COL11A1: variants seen among roughly 807,000 people sequenced by gnomAD.
COL11A1 encodes the protein collagen type XI alpha 1 chain, also known as collagen alpha-1(XI) chain.
COL11A1 carries 74 observed loss-of-function variants against 265.2 expected under a neutral mutation model. The ratio of observed to expected loss-of-function variants is 0.28; its 90% CI spans 0.23 to 0.34. The LOEUF (loss-of-function observed/expected upper bound fraction) is 0.34, where lower values mean the gene tolerates loss of function less well. COL11A1 is among the 10% of genes least tolerant of loss of function. COL11A1 has a pLI of 1.00. For missense variants in COL11A1, 2,165 were observed against 2,263.6 expected, an observed-to-expected ratio of 0.96 and a Z score of 0.88; for synonymous variants, 816 against 727.6, an observed-to-expected ratio of 1.12 and a Z score of -1.96.
At chr1:102,976,283 C>A (rs1192646434) in intron 35 of COL11A1, among the ~76,000 whole-genome samples, 2 of 97,268 alleles carry the variant, frequency 2.1e-5, no homozygotes, top group African/African-American at 3.1e-5. Flanking sequence ...TCACAGAAAA[C>A]GTTGGCTTTT....
chr1:102,977,176 C>T (rs1662575651), intron 35 of COL11A1, among the ~76,000 whole-genome samples: 1 of 152,038 alleles, frequency 6.6e-6, no homozygotes, highest in South Asian at 2.1e-4. Context: ...TATGGCATTA[C>T]TTTTGCCATT....
intron 1 of COL11A1, among the ~76,000 whole-genome samples, chr1:103,102,591 T>C (rs1182323224): frequency 6.6e-6 from 1 of 151,998 alleles, no homozygotes; most frequent in East Asian, 1.9e-4. Context: ...TTCCTAATGA[T>C]CACGCCATCC....
rs983465591 is a variant in COL11A1, at chr1:102,897,435, G to GA, written c.4302+689dup. Reference sequence around the variant, plus strand: ...TGACACTCAAAAATCTCTACCATAAGAAAAAAAAATATATATATATATAAA... The same window carrying GA: ...TGACACTCAAAAATCTCTACCATAAGAAAAAAAAAATATATATATATATAAA... On this transcript the variant is annotated intron_variant, in intron 57 of 66. Transcript: ENST00000370096. Among the ~76,000 whole-genome samples the GA allele has an allele frequency of 9.9e-3, 1,359 of 137,916 alleles. 17 individuals are homozygous for GA. Among genetic ancestry groups the GA allele is most frequent in the African/African-American group, 0.036 (1,290 of 36,128 alleles). The allele number at this position is 137,916 out of a possible 152,430, so 90.5% of individuals were successfully genotyped here. A position where few individuals can be genotyped will look rare whatever the true frequency, so the allele number is the denominator to read the frequency against.
rs1360340077 is a variant in COL11A1, at chr1:102,999,171, T to C, written c.2143-808A>G. Among the ~76,000 whole-genome samples the C allele has an allele frequency of 1.3e-4, 20 of 152,016 alleles. 1 individual carries two copies. Among genetic ancestry groups the C allele is most frequent in the Non-Finnish European group, 2.9e-5 (2 of 67,904 alleles). Reference sequence around the variant, plus strand: ...AAGGTCAAGGACATATCAGCAAGCCTAAATGCTGGACATATTTTTGGGCTT... The same window carrying C: ...AAGGTCAAGGACATATCAGCAAGCCCAAATGCTGGACATATTTTTGGGCTT... On this transcript the variant is annotated intron_variant, in intron 24 of 66. Transcript: ENST00000370096.
intron 63 of COL11A1, 87 bp downstream of exon 63, chr1:102,886,720 A>C (rs2100838934): frequency 6.5e-7 from 1 of 1,533,894 alleles, no homozygotes; most frequent in East Asian, 2.2e-5. Context: ...ACTGTATTAA[A>C]CATTTAACTA....
intron 41 of COL11A1, among the ~76,000 whole-genome samples, chr1:102,953,618 A>T (rs1660099872): frequency 6.6e-6 from 1 of 152,228 alleles, no homozygotes; most frequent in Non-Finnish European, 1.5e-5. Flanking sequence ...ACTGTAAGTG[A>T]ACAGTTATAT....
In COL11A1 at chr1:103,010,795, G is replaced by T. The variant is rs1666053028; in HGVS notation, c.1629+1618C>A. 3.3e-5 allele frequency among the ~76,000 whole-genome samples: 5 copies of T among 151,968 alleles called. No homozygotes were observed. In the South Asian group the frequency reaches 1.0e-3, roughly 32 times the overall value. ...AGCTCACAGCAACCTCCACATCCCG[G>T]GTTCAAGCCATTCTCCTGCCTCAGC... is the stretch of plus-strand genomic sequence containing the variant. On this transcript the variant is annotated intron_variant, in intron 14 of 66. Transcript: ENST00000370096.
intron 44 of COL11A1, among the ~76,000 whole-genome samples, chr1:102,935,856 T>C (rs1364114766): frequency 6.6e-6 from 1 of 152,198 alleles, no homozygotes; most frequent in Non-Finnish European, 1.5e-5. Context: ...TTGGGAGTTC[T>C]TGATATGCTT....
chr1:102,938,298 G>GA lies in COL11A1; in HGVS notation c.3438+736dup, dbSNP rs796698848. 7.9e-3 allele frequency among the ~76,000 whole-genome samples: 1,155 copies of GA among 145,386 alleles called. 19 individuals carry two copies. Among genetic ancestry groups the GA allele is most frequent in the African/African-American group, 0.027 (1,073 of 39,622 alleles). The stretch of plus-strand genomic sequence containing the variant: ...TAATGTATAAACTTCCATACTAGGT[G>GA]AAAAAAAAAACTTGAAGGACATATC... On this transcript the variant is annotated intron_variant, in intron 44 of 66. Coordinates refer to ENST00000370096, the MANE Select transcript of COL11A1 (RefSeq NM_001854.4).
rs1365998148 is a variant in COL11A1 at position 102,888,627 on chromosome 1, G to T, written c.4558C>A (p.Pro1520Thr). 1.9e-6 allele frequency: 3 copies of T among 1,613,756 alleles called. No individual in the cohort carries two copies. The highest frequency in any genetic ancestry group is 2.5e-6 in the Non-Finnish European group (3 of 1,179,764). ...GPKGNKGSTGPAGQKGDSGLP... is the reference protein window; with the variant it reads ...GPKGNKGSTGTAGQKGDSGLP... ...CCACTGTCACCTTTCTGGCCAGCGG[G>T]TCCCTGTTAGAAAGAAGAGAGAGGA... Residue 1520 changes from proline to threonine, a missense_variant, in exon 62 of 67, where the codon CCC becomes ACC. Physicochemically the swap from Pro to Thr is conservative, Grantham distance 38 (BLOSUM62 -1). Coordinates refer to ENST00000370096, the MANE Select transcript of COL11A1 (RefSeq NM_001854.4).
chr1:102,995,875 T>G lies in COL11A1; in HGVS notation c.2329A>C (p.Lys777Gln), dbSNP rs1325783062. The G allele has an allele frequency of 6.2e-7, 1 of 1,610,256 alleles. No homozygotes were observed. The highest frequency in any genetic ancestry group is 1.7e-5 in the Admixed American group (1 of 59,932). ...CAATTAAATTTTACCTTTTCACCTT[T>G]AGATCCCTTGAGACCTCTGACACCA... is the stretch of plus-strand genomic sequence containing the variant. ...ADGVRGLKGS[K>Q]GEKGEDGFPG... Residue 777 changes from lysine (K) to glutamine (Q), a missense_variant, in exon 28 of 67, where the codon AAA (lysine) becomes CAA (glutamine). Transcript: ENST00000370096.
intron 36 of COL11A1, among the ~76,000 whole-genome samples, chr1:102,970,745 G>GT (rs1461883555): frequency 6.6e-6 from 1 of 152,102 alleles, no homozygotes; most frequent in Non-Finnish European, 1.5e-5. Context: ...GCCGGGCAGG[G>GT]TGGCTGACAC....
chr1:102,944,462 C>T (rs1218422296), intron 42 of COL11A1, among the ~76,000 whole-genome samples: 1 of 152,110 alleles, frequency 6.6e-6, no homozygotes, highest in African/African-American at 2.4e-5. Context: ...AATGAGCATG[C>T]TGGAGTTGTT....
At chr1:102,978,943 A>T in intron 33 of COL11A1, 30 bp from the exon 34 acceptor site, 10 of 1,613,884 alleles carry the variant, frequency 6.2e-6, no homozygotes, top group Non-Finnish European at 8.5e-6. Flanking sequence ...ATGAACCCAA[A>T]CTAATGCCAG....
intron 63 of COL11A1, among the ~76,000 whole-genome samples, chr1:102,885,093 A>G (rs999856723): frequency 2.0e-5 from 3 of 151,874 alleles, no homozygotes; most frequent in Middle Eastern, 3.4e-3. Context: ...ATTAGCTCAT[A>G]CCCTTTTTTT....
In COL11A1 at chr1:102,978,569, A is replaced by C. The variant is rs2616018; in HGVS notation, c.2754+139T>G. The C allele has an allele frequency of 0.033, 30,052 of 912,106 alleles. 1,154 individuals are homozygous for C. Among genetic ancestry groups the C allele is most frequent in the African/African-American group, 0.16 (9,796 of 59,720 alleles). 56.5% of individuals were successfully genotyped at this position (912,106 alleles called of 1,614,324 possible). On this transcript the variant is annotated intron_variant, in intron 35 of 66. Coordinates refer to ENST00000370096, the MANE Select transcript of COL11A1 (RefSeq NM_001854.4). The stretch of plus-strand genomic sequence containing the variant: ...TTGGTGAAGAGGAATAAATTAAAAA[A>C]TAAGCGTTTTTAAATTCAGACTAGA...
At chr1:103,016,633 T>TA (rs1557949437) in intron 11 of COL11A1, among the ~76,000 whole-genome samples, 3 of 151,758 alleles carry the variant, frequency 2.0e-5, no homozygotes, top group African/African-American at 7.3e-5. Context: ...AACCAATATA[T>TA]AAAAAAATGC....
intron 54 of COL11A1, among the ~76,000 whole-genome samples, chr1:102,899,937 G>T (rs142950226): frequency 2.7e-4 from 41 of 152,174 alleles, no homozygotes; most frequent in African/African-American, 9.6e-4. Flanking sequence ...GATGATGAGA[G>T]GTTGCTTGGA....
At chr1:103,086,986 A>C (rs1243992478) in intron 1 of COL11A1, among the ~76,000 whole-genome samples, 1 of 152,198 alleles carries the variant, frequency 6.6e-6, no homozygotes, top group Non-Finnish European at 1.5e-5. Flanking sequence ...ATTGTCATTA[A>C]ATGGATTCTA....
Sources: allele counts gnomAD v4.1 joint callset (sites outside exome capture counted in the v4.1 genomes callset), GRCh38; gene constraint gnomAD v4.1.1; transcripts MANE v1.5; gene names NCBI Gene and HGNC (gene_info 2026-07-23, HGNC 2026-07-21).